FAR1: variants seen among roughly 807,000 people sequenced by gnomAD.
The protein encoded by FAR1 is male sterility domain-containing protein 2.
A neutral mutation model predicts 61.1 loss-of-function variants in FAR1; 22 were observed. The ratio of observed to expected loss-of-function variants is 0.36; its 90% CI spans 0.26 to 0.51. FAR1 has a LOEUF of 0.51. Ranked by LOEUF, FAR1 falls within the 20% of genes least tolerant of loss-of-function variation. The probability of loss-of-function intolerance (pLI) is 0.95; values close to 1 mark genes in which losing one functional copy is unlikely to be tolerated. For synonymous variants in FAR1, 206 were observed against 209.7 expected (o/e 0.98, Z 0.15); for missense variants, 359 against 626.9 (o/e 0.57, Z 4.56).
At chr11:13,670,539 G>T (rs576646675) in intron 1 of FAR1, among the ~76,000 whole-genome samples, 8 of 152,096 alleles carry the variant, frequency 5.3e-5, no homozygotes, top group Non-Finnish European at 8.8e-5. Flanking sequence ...AGATCCATCC[G>T]CCTCGGCCTC....
At chr11:13,712,344 CTTG>C (rs1848509050) in intron 7 of FAR1, among the ~76,000 whole-genome samples, 1 of 150,428 alleles carries the variant, frequency 6.6e-6, no homozygotes, top group Admixed American at 6.6e-5. Context: ...CAAACTAAAA[CTTG>C]TTGAATATAT....
At chr11:13,675,732 GTGTT>G (rs2134166753) in intron 1 of FAR1, among the ~76,000 whole-genome samples, 1 of 152,256 alleles carries the variant, frequency 6.6e-6, no homozygotes, top group African/African-American at 2.4e-5. Flanking sequence ...TTGTGTGTGT[GTGTT>G]TAACTTAAAT....
intron 10 of FAR1, among the ~76,000 whole-genome samples, chr11:13,727,273 A>G (rs1848677072): frequency 6.6e-6 from 1 of 152,098 alleles, no homozygotes. Context: ...TTGTTTAGCA[A>G]AATGGTACAG....
intron 2 of FAR1, among the ~76,000 whole-genome samples, chr11:13,696,728 C>T (rs188561095): frequency 1.3e-5 from 2 of 152,254 alleles, no homozygotes; most frequent in Admixed American, 6.5e-5. Flanking sequence ...AATCCTAAAG[C>T]CATGTATTCT....
At chr11:13,704,876 A>G (rs964982080) in intron 3 of FAR1, among the ~76,000 whole-genome samples, 1 of 152,168 alleles carries the variant, frequency 6.6e-6, no homozygotes. Flanking sequence ...TTCATGTGTT[A>G]AAAGTATCTG....
At chr11:13,707,086 T>G (rs777852690) in intron 3 of FAR1, among the ~76,000 whole-genome samples, 2 of 152,218 alleles carry the variant, frequency 1.3e-5, no homozygotes, top group African/African-American at 2.4e-5. Context: ...ATAATTATTT[T>G]AGTAGCTATA....
At chr11:13,696,355 T>C (rs1275914608) in intron 2 of FAR1, among the ~76,000 whole-genome samples, 2 of 152,028 alleles carry the variant, frequency 1.3e-5, no homozygotes, top group South Asian at 2.1e-4. Context: ...TTTTAGACAG[T>C]TTTTAAGAGG....
At chr11:13,677,613 A>G (rs1227549048) in intron 1 of FAR1, among the ~76,000 whole-genome samples, 6 of 152,204 alleles carry the variant, frequency 3.9e-5, no homozygotes, top group Admixed American at 3.9e-4. Context: ...CATTTGGTTC[A>G]TGTGGAAAGG....
Position 13,728,872 on chromosome 11 carries a change from A to T in FAR1, c.*98A>T. ...CATCTCACTTTTTGTCAAGACATTAAACCATCTTAGATCGGAGTGTGAAGT... is the reference window on the plus strand; with the variant it reads ...CATCTCACTTTTTGTCAAGACATTATACCATCTTAGATCGGAGTGTGAAGT... On this transcript the variant is annotated 3_prime_UTR_variant, in exon 12 of 12. Coordinates refer to ENST00000354817, the MANE Select transcript of FAR1 (RefSeq NM_032228.6). 1 of 1,139,186 alleles carries T rather than the reference A, an allele frequency of 8.8e-7. No homozygotes were observed. 70.6% of individuals were successfully genotyped at this position (1,139,186 alleles called of 1,614,324 possible).
At position 13,728,941 on chromosome 11, in the gene FAR1, T is replaced by TA. The variant is rs1314893178; in HGVS notation, c.*171dup. 2.5e-5 allele frequency: 15 copies of TA among 597,540 alleles called. No homozygotes were observed. The East Asian group carries it at 4.6e-4, about 19-fold the overall frequency. 37.0% of individuals were successfully genotyped at this position (597,540 alleles called of 1,614,324 possible). A position where few individuals can be genotyped will look rare whatever the true frequency, so the allele number is the denominator to read the frequency against. On this transcript the variant is annotated 3_prime_UTR_variant, in exon 12 of 12. Transcript: ENST00000354817. ...TGTAACATTTTAATGTTTATGCTCATAAAACTTAGTGAACACACTGTGTTA... is the reference window on the plus strand; with the variant it reads ...TGTAACATTTTAATGTTTATGCTCATAAAAACTTAGTGAACACACTGTGTTA...
At position 13,710,763 on chromosome 11, in the gene FAR1, T is replaced by G; in HGVS notation, c.616T>G (p.Tyr206Asp). ...LIGDRPNTYI[Y>D]TKALAEYVVQ... Reference sequence around the variant, plus strand: ...AGGAGACAGACCTAATACATACATATACACAAAAGCATTGGCAGAATATGT... The same window carrying G: ...AGGAGACAGACCTAATACATACATAGACACAAAAGCATTGGCAGAATATGT... The change falls in exon 5 of 12, where the codon TAC (tyrosine) becomes GAC (aspartate). Residue 206 changes from tyrosine (Y) to aspartate (D), a missense_variant. Tyr to Asp is a radical substitution (Grantham distance 160, BLOSUM62 -3). This residue lies in a region of FAR1 where 344 missense variants were observed against 570.3 expected (regional missense o/e 0.60). Coordinates refer to ENST00000354817, the MANE Select transcript of FAR1 (RefSeq NM_032228.6). 6.2e-7 allele frequency: 1 copy of G among 1,612,698 alleles called. No homozygotes were observed. Among genetic ancestry groups the G allele is most frequent in the Non-Finnish European group, 8.5e-7 (1 of 1,179,416 alleles).
At chr11:13,726,087 C>T (rs1309093515) in intron 10 of FAR1, among the ~76,000 whole-genome samples, 2 of 151,980 alleles carry the variant, frequency 1.3e-5, no homozygotes, top group African/African-American at 4.8e-5. Context: ...TTTTATCCTT[C>T]TCTGATAGTG....
intron 9 of FAR1, among the ~76,000 whole-genome samples, chr11:13,718,597 T>G (rs1273318551): frequency 6.6e-6 from 1 of 152,234 alleles, no homozygotes; most frequent in East Asian, 1.9e-4. Context: ...AGGTTTTTAT[T>G]ATAGCAGCCC....
intron 1 of FAR1, among the ~76,000 whole-genome samples, chr11:13,689,865 A>G (rs1591259300): frequency 7.1e-6 from 1 of 140,990 alleles, no homozygotes; most frequent in Non-Finnish European, 1.5e-5. Flanking sequence ...ATGTGCTGTC[A>G]TTTCGATCTT....
intron 1 of FAR1, among the ~76,000 whole-genome samples, chr11:13,674,750 G>A (rs762043798): frequency 6.6e-6 from 1 of 152,126 alleles, no homozygotes; most frequent in Non-Finnish European, 1.5e-5. Flanking sequence ...TTTAAATAAA[G>A]TACCGTCAAA....
At chr11:13,689,960 C>G (rs1306725180) in intron 1 of FAR1, among the ~76,000 whole-genome samples, 1 of 150,884 alleles carries the variant, frequency 6.6e-6, no homozygotes, top group Non-Finnish European at 1.5e-5. Flanking sequence ...ACTGCAACCT[C>G]CGTATCCCGG....
At chr11:13,710,137 C>T (rs2134191145) in intron 4 of FAR1, among the ~76,000 whole-genome samples, 1 of 152,052 alleles carries the variant, frequency 6.6e-6, no homozygotes, top group East Asian at 1.9e-4. Flanking sequence ...AAATACTAGG[C>T]CTTTTATGCC....
chr11:13,721,940 T>C lies in FAR1; in HGVS notation c.1257+81T>C, dbSNP rs1197975110. The C allele has an allele frequency of 4.2e-6, 5 of 1,178,696 alleles. No homozygotes were observed. The African/African-American group carries it at 7.7e-5, about 18-fold the overall frequency. The allele number at this position is 1,178,696 out of a possible 1,614,324, so 73.0% of individuals were successfully genotyped here. A position where few individuals can be genotyped will look rare whatever the true frequency, so the allele number is the denominator to read the frequency against. On this transcript the variant is annotated intron_variant, in intron 10 of 11. Coordinates refer to ENST00000354817, the MANE Select transcript of FAR1 (RefSeq NM_032228.6). This position sits in a 1 kb window ranked among gnomAD's most constrained non-coding sequence, Gnocchi z 4.2. ...ACTATTAGCAACCTGAGAAATATTTTCCACAGCTATTATGCAACAAGTAAG... is the reference window on the plus strand; with the variant it reads ...ACTATTAGCAACCTGAGAAATATTTCCCACAGCTATTATGCAACAAGTAAG...
chr11:13,675,413 G>A lies in FAR1; in HGVS notation c.-8+6607G>A, dbSNP rs115166196. Among the ~76,000 whole-genome samples the A allele has an allele frequency of 1.4e-3, 209 of 152,254 alleles. 1 individual carries two copies. Among genetic ancestry groups the A allele is most frequent in the African/African-American group, 4.6e-3 (193 of 41,570 alleles). Reference sequence around the variant, plus strand: ...GTGAGGGTAATCACATGGATAAAGCGTGCGGTTAGGAAATCTAATTTTGGC... The same window carrying A: ...GTGAGGGTAATCACATGGATAAAGCATGCGGTTAGGAAATCTAATTTTGGC... On this transcript the variant is annotated intron_variant, in intron 1 of 11. Transcript: ENST00000354817.
Sources: allele counts gnomAD v4.1 joint callset (sites outside exome capture counted in the v4.1 genomes callset), GRCh38; gene constraint gnomAD v4.1.1; regional missense constraint gnomAD v4.1.1; non-coding constraint Gnocchi (gnomAD v3.1); transcripts MANE v1.5; gene names NCBI Gene and HGNC (gene_info 2026-07-23, HGNC 2026-07-21).